Variants in LGALS8 observed in about 807,000 individuals in gnomAD.
LGALS8 encodes galectin 8.
A neutral mutation model predicts 35.9 loss-of-function variants in LGALS8; 30 were observed. The observed-to-expected ratio is 0.83, with a 90% confidence interval of 0.62 to 1.13. The LOEUF is 1.13. Among genes scored for constraint, LGALS8 ranks in the 50% most tolerant of loss-of-function variants. The pLI, the probability that LGALS8 is intolerant of heterozygous loss-of-function variation, is 0.00. For missense variants in LGALS8, 366 were observed against 388.7 expected (o/e 0.94, Z 0.49); for synonymous variants, 138 against 136.1 (o/e 1.01, Z -0.10).
intron 7 of LGALS8, 38 bp from the exon 8 acceptor site, chr1:236,543,522 C>CT: frequency 6.8e-7 from 1 of 1,461,234 alleles, no homozygotes; most frequent in Non-Finnish European, 9.6e-7. Flanking sequence ...AGATCGCTTT[C>CT]TGCAGGCCTC....
At chr1:236,520,246 C>G (rs577046409), upstream of LGALS8, among the ~76,000 whole-genome samples, 8 of 151,906 alleles carry the variant, frequency 5.3e-5, no homozygotes, top group East Asian at 1.5e-3. Flanking sequence ...AGTGAGCCAA[C>G]GTGCCTGGTC....
chr1:236,524,228 G>A (rs1660674729), intron 1 of LGALS8, 167 bp downstream of exon 1: 1 of 456,208 alleles, frequency 2.2e-6, no homozygotes, highest in Admixed American at 2.4e-5. Flanking sequence ...TCCTCACCGC[G>A]GCAGAGCCGG....
At chr1:236,523,619 A>C, upstream of LGALS8, 1 of 167,536 alleles carries the variant, frequency 6.0e-6, no homozygotes, top group South Asian at 1.2e-4. Flanking sequence ...GGCCTGGAAC[A>C]GCCAGGTGGA....
At chr1:236,542,912 C>T (rs1195552952) in intron 7 of LGALS8, 125 bp downstream of exon 7, 2 of 1,614,134 alleles carry the variant, frequency 1.2e-6, no homozygotes, top group African/African-American at 1.3e-5. Context: ...TGTTTCCCTA[C>T]AGCCTAGTAA....
At chr1:236,540,335 T>C in intron 4 of LGALS8, 1 of 440,220 alleles carries the variant, frequency 2.3e-6, no homozygotes, top group Non-Finnish European at 4.0e-6. Context: ...CCTGTTTGTC[T>C]GGGGAGAGAC....
rs369602891 is a variant in LGALS8 at position 236,524,846 on chromosome 1, TG to T, written c.-104+789del. The T allele has an allele frequency of 2.0e-3, 368 of 183,870 alleles. 13 individuals carry two copies. In the South Asian group the frequency reaches 0.034, roughly 17 times the overall value. The allele number at this position is 183,870 out of a possible 1,614,324, so 11.4% of individuals were successfully genotyped here. ...TGACTAACGAATTAAGTTAATGACA[TG>T]GGGCTATATTTAGGTGGTAAACCAA... On this transcript the variant is annotated intron_variant, in intron 1 of 9. Transcript: ENST00000366584.
chr1:236,539,108 C>A lies in LGALS8; in HGVS notation c.345+19C>A, dbSNP rs1251229343. The A allele has an allele frequency of 1.9e-6, 3 of 1,595,970 alleles. No individual in the cohort carries two copies. The highest frequency in any genetic ancestry group is 1.3e-5 in the African/African-American group (1 of 74,594). On this transcript the variant is annotated intron_variant, in intron 4 of 9. Coordinates refer to ENST00000366584, the MANE Select transcript of LGALS8 (RefSeq NM_201544.4). ...ATTCCAGGTAGGTTTTGGAGAGGGACAGGTTGAGTCCTCATTAGTGAGCAG... is the reference window on the plus strand; with the variant it reads ...ATTCCAGGTAGGTTTTGGAGAGGGAAAGGTTGAGTCCTCATTAGTGAGCAG...
At position 236,552,486 on chromosome 1, in the gene LGALS8, T is replaced by A. The variant is rs1386915445; in HGVS notation, c.*4325T>A. 1.8e-5 allele frequency: 3 copies of A among 162,664 alleles called. No homozygotes were observed. Among genetic ancestry groups the A allele is most frequent in the Non-Finnish European group, 2.7e-5 (2 of 75,378 alleles). 10.1% of individuals were successfully genotyped at this position (162,664 alleles called of 1,614,324 possible). ...CCCGCCAGGCTGGCAATAAAGTGCCTCCAGCCACCTCTGGCAGGTCTCCTC... is the reference window on the plus strand; with the variant it reads ...CCCGCCAGGCTGGCAATAAAGTGCCACCAGCCACCTCTGGCAGGTCTCCTC... On this transcript the variant is annotated 3_prime_UTR_variant, in exon 10 of 10. Coordinates refer to ENST00000366584, the MANE Select transcript of LGALS8 (RefSeq NM_201544.4).
At position 236,537,536 on chromosome 1, in the gene LGALS8, C is replaced by G. The variant is rs202172795; in HGVS notation, c.85C>G (p.Pro29Ala). The G allele has an allele frequency of 3.1e-6, 5 of 1,606,476 alleles. No homozygotes were observed. The highest frequency in any genetic ancestry group is 4.3e-6 in the Non-Finnish European group (5 of 1,172,986). ...FVGTIPDQLD[P>A]GTLIVIRGHV... is the part of the protein sequence containing the mutation. ...TGGCACCATTCCTGATCAGCTGGAT[C>G]CTGGAACTTTGATTGTGATACGTGG... Residue 29 changes from proline to alanine, a missense_variant, in exon 3 of 10, where the codon CCT (proline) becomes GCT (alanine). Transcript: ENST00000366584.
rs1662594668 is a variant in LGALS8 at position 236,549,161 on chromosome 1, A to C, written c.*1000A>C. ...TCTGTTTTGTTCCCATGAAATCACC[A>C]ATCAAGGCCTCCGTTCTTCTAAAGA... On this transcript the variant is annotated 3_prime_UTR_variant, in exon 10 of 10. Transcript: ENST00000366584. The C allele has an allele frequency of 2.5e-6, 1 of 395,702 alleles. No individual in the cohort carries two copies. Among genetic ancestry groups the C allele is most frequent in the African/African-American group, 2.1e-5 (1 of 48,718 alleles). 24.5% of individuals were successfully genotyped at this position (395,702 alleles called of 1,614,324 possible). A position where few individuals can be genotyped will look rare whatever the true frequency, so the allele number is the denominator to read the frequency against.
At chr1:236,544,531 G>GT (rs1553278248) in intron 8 of LGALS8, among the ~76,000 whole-genome samples, 10,736 of 149,390 alleles carry the variant, frequency 0.072, 676 homozygotes, top group African/African-American at 0.18. Flanking sequence ...ATTTTAAAGG[G>GT]TTTTTTTTTT....
intron 7 of LGALS8, 148 bp downstream of exon 7, chr1:236,542,935 C>T (rs749982924): frequency 1.2e-6 from 2 of 1,614,118 alleles, no homozygotes; most frequent in Admixed American, 3.3e-5. Context: ...GAGGAGGAGA[C>T]ATTTCTAAAA....
intron 1 of LGALS8, chr1:236,524,550 A>T (rs2103064101): frequency 2.5e-6 from 1 of 398,680 alleles, no homozygotes; most frequent in East Asian, 7.3e-5. Context: ...ATTTGACTGC[A>T]GTGTTAAACA....
At chr1:236,535,700 ACTGT>A (rs1188686311) in intron 2 of LGALS8, among the ~76,000 whole-genome samples, 1 of 152,200 alleles carries the variant, frequency 6.6e-6, no homozygotes, top group Non-Finnish European at 1.5e-5. Context: ...CCCAGTCTAC[ACTGT>A]CTGTTGTATT....
At chr1:236,536,745 T>C (rs1366619600) in intron 2 of LGALS8, 1 of 152,330 alleles carries the variant, frequency 6.6e-6, no homozygotes, top group Non-Finnish European at 1.5e-5. Flanking sequence ...TGCTTGTCAT[T>C]GTCTCCGTCA....
chr1:236,518,883 C>T (rs1660475525), upstream of LGALS8, among the ~76,000 whole-genome samples: 1 of 152,156 alleles, frequency 6.6e-6, no homozygotes, highest in South Asian at 2.1e-4. Context: ...AAAAGTGACA[C>T]AGCAACAAAA....
intron 9 of LGALS8, among the ~76,000 whole-genome samples, chr1:236,546,819 C>CT (rs1222977738): frequency 6.6e-6 from 1 of 152,212 alleles, no homozygotes; most frequent in Non-Finnish European, 1.5e-5. Flanking sequence ...TTAAATATAT[C>CT]TGGGGTCCCT....
upstream of LGALS8, chr1:236,523,783 G>A (rs559516017): frequency 2.9e-6 from 1 of 340,444 alleles, no homozygotes; most frequent in South Asian, 2.2e-5. Context: ...GCGGTCCAAG[G>A]CTCCAGAGGC....
chr1:236,518,254 A>G (rs1024906236), upstream of LGALS8: 1 of 152,130 alleles, frequency 6.6e-6, no homozygotes, highest in Non-Finnish European at 1.5e-5. Flanking sequence ...AAAAGACTGG[A>G]TTTGGGACAT....
Sources: gnomAD v4.1 joint callset for allele counts (sites outside exome capture counted in the v4.1 genomes callset) on GRCh38, gnomAD v4.1.1 for gene constraint, MANE v1.5 for transcripts, NCBI Gene and HGNC (gene_info 2026-07-23, HGNC 2026-07-21) for gene names.